ARHGEF4: variants seen among roughly 807,000 people sequenced by gnomAD.
ARHGEF4 encodes the protein Rho guanine nucleotide exchange factor 4.
A neutral mutation model predicts 162.0 loss-of-function variants in ARHGEF4; 119 were observed. That is an observed-to-expected ratio of 0.73 (90% confidence interval 0.63 to 0.86). The LOEUF (loss-of-function observed/expected upper bound fraction) is 0.86, where lower values mean the gene tolerates loss of function less well. Among genes scored for constraint, ARHGEF4 ranks in the 40% least tolerant of loss-of-function variants. The probability of loss-of-function intolerance (pLI) is 0.00; values close to 1 mark genes in which losing one functional copy is unlikely to be tolerated. For missense variants in ARHGEF4, 2,488 were observed against 2,456.0 expected, an observed-to-expected ratio of 1.01 and a Z score of -0.28; for synonymous variants, 1,014 against 979.9, an observed-to-expected ratio of 1.03 and a Z score of -0.65.
chr2:130,967,565 G>C (rs150777251), intron 4 of ARHGEF4, among the ~76,000 whole-genome samples: 3 of 152,134 alleles, frequency 2.0e-5, no homozygotes, highest in Non-Finnish European at 2.9e-5. Flanking sequence ...ACATTCCCCC[G>C]CAGGCTTCTG....
intron 1 of ARHGEF4, among the ~76,000 whole-genome samples, chr2:130,907,472 G>A (rs953776401): frequency 7.3e-5 from 11 of 150,822 alleles, no homozygotes; most frequent in African/African-American, 1.5e-4. Flanking sequence ...CCACCTCAGC[G>A]TCCCAAAGTG....
At chr2:131,042,948 G>A (rs191706708) in intron 10 of ARHGEF4, among the ~76,000 whole-genome samples, 1 of 152,292 alleles carries the variant, frequency 6.6e-6, no homozygotes, top group Non-Finnish European at 1.5e-5. Context: ...ATCCCAGACA[G>A]GCCTAATTCT....
intron 4 of ARHGEF4, among the ~76,000 whole-genome samples, chr2:130,997,357 T>G (rs1687463174): frequency 6.6e-6 from 1 of 152,240 alleles, no homozygotes; most frequent in Non-Finnish European, 1.5e-5. Context: ...CATAGTTTGA[T>G]GCTTTTGTTA....
intron 2 of ARHGEF4, among the ~76,000 whole-genome samples, chr2:130,928,880 A>G (rs1248749125): frequency 1.3e-5 from 2 of 152,180 alleles, no homozygotes; most frequent in African/African-American, 4.8e-5. Context: ...GAGGACCACC[A>G]GGACAGCCTG....
chr2:130,933,875 A>G (rs1682783988), intron 3 of ARHGEF4, among the ~76,000 whole-genome samples: 1 of 152,236 alleles, frequency 6.6e-6, no homozygotes, highest in Non-Finnish European at 1.5e-5. Flanking sequence ...TTATAAAAAT[A>G]GATTACTTTA....
rs186222221 is a variant in ARHGEF4, at chr2:130,957,187, G to A, written c.3985+10552G>A. ...GTTAACAAATAAAATAAAATAAAAA[G>A]ACTAATTCTTCACAAACTCTTCCAA... is the stretch of plus-strand genomic sequence containing the variant. On this transcript the variant is annotated intron_variant, in intron 4 of 13. Coordinates refer to ENST00000409359, the MANE Select transcript of ARHGEF4 (RefSeq NM_001367493.1). 1.9e-3 allele frequency among the ~76,000 whole-genome samples: 280 copies of A among 151,122 alleles called. 3 individuals are homozygous for A. Among genetic ancestry groups the A allele is most frequent in the African/African-American group, 6.5e-3 (266 of 41,230 alleles).
intron 4 of ARHGEF4, among the ~76,000 whole-genome samples, chr2:130,996,211 C>G (rs1687380788): frequency 6.6e-6 from 1 of 152,152 alleles, no homozygotes; most frequent in Non-Finnish European, 1.5e-5. Flanking sequence ...AACCATACTT[C>G]TGTTTCATCA....
intron 5 of ARHGEF4, among the ~76,000 whole-genome samples, chr2:131,031,022 G>GA (rs1209721942): frequency 6.6e-6 from 1 of 152,174 alleles, no homozygotes; most frequent in Non-Finnish European, 1.5e-5. Flanking sequence ...ACAGGTGTCA[G>GA]AAAAAAGTCC....
chr2:130,911,100 G>A (rs1208126903), intron 1 of ARHGEF4, among the ~76,000 whole-genome samples: 6 of 152,166 alleles, frequency 3.9e-5, no homozygotes, highest in Admixed American at 2.6e-4. Context: ...TTCGGCCAAC[G>A]TCGGGGCAGC....
chr2:130,942,101 T>A (rs1683336268), intron 3 of ARHGEF4, among the ~76,000 whole-genome samples: 1 of 151,924 alleles, frequency 6.6e-6, no homozygotes, highest in South Asian at 2.1e-4. Flanking sequence ...TAGTTGAGTA[T>A]ATTTGACTAG....
At chr2:130,945,861 C>G (rs1029169516) in intron 3 of ARHGEF4, among the ~76,000 whole-genome samples, 1 of 152,154 alleles carries the variant, frequency 6.6e-6, no homozygotes, top group African/African-American at 2.4e-5. Context: ...AAAGAATTTT[C>G]TAAGCACTGT....
chr2:130,912,764 A>G (rs890982734), intron 1 of ARHGEF4, among the ~76,000 whole-genome samples: 2 of 152,156 alleles, frequency 1.3e-5, no homozygotes, highest in Non-Finnish European at 2.9e-5. Flanking sequence ...GTACTGAGAC[A>G]CGCTACAGCC....
At chr2:130,884,321 C>G (rs957815038) in intron 1 of ARHGEF4, among the ~76,000 whole-genome samples, 10 of 152,090 alleles carry the variant, frequency 6.6e-5, no homozygotes, top group African/African-American at 2.4e-4. Context: ...CACACACACC[C>G]ACACTATAGT....
intron 1 of ARHGEF4, among the ~76,000 whole-genome samples, chr2:130,860,993 TAAGAA>T (rs1473823612): frequency 3.0e-5 from 2 of 66,912 alleles, no homozygotes; most frequent in African/African-American, 8.4e-5. Context: ...GAGCAAGCAC[TAAGAA>T]AAGAACTTAC....
At chr2:130,947,032 A>T (rs1353863784) in intron 4 of ARHGEF4, 1 of 167,708 alleles carries the variant, frequency 6.0e-6, no homozygotes, top group Non-Finnish European at 1.3e-5. Flanking sequence ...GGAGTTCGAG[A>T]CCAGCCTGAC....
chr2:131,034,894 C>A, intron 5 of ARHGEF4: 1 of 829,232 alleles, frequency 1.2e-6, no homozygotes, highest in Non-Finnish European at 1.5e-6. Context: ...CCGCCGCCCC[C>A]GCCCGCACAG....
At chr2:130,875,910 T>C (rs1475531918) in intron 1 of ARHGEF4, among the ~76,000 whole-genome samples, 1 of 152,132 alleles carries the variant, frequency 6.6e-6, no homozygotes, top group African/African-American at 2.4e-5. Flanking sequence ...CAATCCAGCT[T>C]CCCTAGTGTG....
chr2:130,980,057 A>C (rs1265630177), intron 4 of ARHGEF4, among the ~76,000 whole-genome samples: 1 of 152,184 alleles, frequency 6.6e-6, no homozygotes, highest in Non-Finnish European at 1.5e-5. Flanking sequence ...CATATGTCTA[A>C]TTGCTAGTAT....
intron 5 of ARHGEF4, among the ~76,000 whole-genome samples, chr2:131,033,226 G>A (rs12998401): frequency 0.64 from 97,880 of 152,164 alleles, 36,749 homozygotes; most frequent in Non-Finnish European, 0.82. Context: ...TGCCGTTCCT[G>A]CCATAAACCC....
Sources: gnomAD v4.1 joint callset for allele counts (sites outside exome capture counted in the v4.1 genomes callset) on GRCh38, gnomAD v4.1.1 for gene constraint, MANE v1.5 for transcripts, NCBI Gene and HGNC (gene_info 2026-07-23, HGNC 2026-07-21) for gene names.